SNRPE: variants seen among roughly 807,000 people sequenced by gnomAD.
The protein encoded by SNRPE is small nuclear ribonucleoprotein polypeptide E, also known as small nuclear ribonucleoprotein E.
For missense variants in SNRPE, 53 were observed against 111.6 expected (o/e 0.48, Z 2.36); for synonymous variants, 35 against 36.7 (o/e 0.95, Z 0.17).
intron 4 of SNRPE, among the ~76,000 whole-genome samples, chr1:203,868,907 A>G (rs1016614318): frequency 3.9e-5 from 6 of 152,254 alleles, no homozygotes; most frequent in Non-Finnish European, 8.8e-5. Flanking sequence ...AAGCTCAGGC[A>G]TTCCACCCAC....
rs1572401471 is a variant in SNRPE at position 203,861,650 on chromosome 1, A to G, written c.-10A>G. On this transcript the variant is annotated 5_prime_UTR_variant, in exon 1 of 5. Coordinates refer to ENST00000414487, the MANE Select transcript of SNRPE (RefSeq NM_003094.4). ...GCAGCGTGCGGGTGTGCTCTTTGTG[A>G]AATTCCACCATGGCGTACCGTGGCC... 1 of 1,611,668 alleles carries G rather than the reference A, an allele frequency of 6.2e-7. No individual in the cohort carries two copies. Among genetic ancestry groups the G allele is most frequent in the South Asian group, 1.1e-5 (1 of 91,022 alleles).
chr1:203,867,856 G>T (rs1401324295), intron 4 of SNRPE, among the ~76,000 whole-genome samples: 1 of 152,104 alleles, frequency 6.6e-6, no homozygotes, highest in Non-Finnish European at 1.5e-5. Context: ...TTTTGCTGGG[G>T]ATGGGGGAAG....
At chr1:203,869,171 G>A (rs750334380) in intron 4 of SNRPE, among the ~76,000 whole-genome samples, 10 of 151,904 alleles carry the variant, frequency 6.6e-5, no homozygotes, top group East Asian at 1.9e-4. Context: ...GTCTCAAACC[G>A]TTCTACCAGT....
rs369401983 is a variant in SNRPE at position 203,869,942 on chromosome 1, A to G, written c.*10A>G. The G allele has an allele frequency of 5.8e-6, 9 of 1,547,306 alleles. No homozygotes were observed. Among genetic ancestry groups the G allele is most frequent in the Non-Finnish European group, 5.3e-6 (6 of 1,125,144 alleles). On this transcript the variant is annotated 3_prime_UTR_variant, in exon 5 of 5. Transcript: ENST00000414487. ...AAGTGTCTCCAACTAGAAATGATCA[A>G]TGAAGTGAGAAATTGTTGAGAAGGA...
At position 203,861,683 on chromosome 1, in the gene SNRPE, G is replaced by C. The variant is rs1321681841; in HGVS notation, c.24G>C (p.Gln8His). 4 of 1,613,588 alleles carry C rather than the reference G, an allele frequency of 2.5e-6. No homozygotes were observed. Reference sequence around the variant, plus strand: ...CCATGGCGTACCGTGGCCAGGGTCAGAAAGTGCAGAAGGTTATGGTGCAGC... The same window carrying C: ...CCATGGCGTACCGTGGCCAGGGTCACAAAGTGCAGAAGGTTATGGTGCAGC... MAYRGQG[Q>H]KVQKVMVQPI... is the part of the protein sequence containing the mutation. Residue 8 changes from glutamine (Q) to histidine (H), a missense_variant, in exon 1 of 5, where the codon CAG becomes CAC. Coordinates refer to ENST00000414487, the MANE Select transcript of SNRPE (RefSeq NM_003094.4).
At chr1:203,868,136 A>C (rs1434486825) in intron 4 of SNRPE, among the ~76,000 whole-genome samples, 2 of 152,000 alleles carry the variant, frequency 1.3e-5, no homozygotes, top group African/African-American at 2.4e-5. Context: ...GCTCACTGCA[A>C]CCTCTGCCTC....
intron 1 of SNRPE, 42 bp downstream of exon 1, chr1:203,861,755 A>C (rs756937980): frequency 1.4e-5 from 20 of 1,460,716 alleles, no homozygotes; most frequent in Non-Finnish European, 1.9e-5. Context: ...TTCGGGTCAG[A>C]ATACGGGGTG....
chr1:203,865,220 T>A, intron 4 of SNRPE, 101 bp downstream of exon 4: 1 of 1,084,832 alleles, frequency 9.2e-7, no homozygotes, highest in Non-Finnish European at 1.4e-6. Context: ...ATTTTGCATT[T>A]GAGAAGTTAT....
chr1:203,867,104 C>T (rs1344170479), intron 4 of SNRPE, among the ~76,000 whole-genome samples: 1 of 63,930 alleles, frequency 1.6e-5, no homozygotes, highest in Non-Finnish European at 3.1e-5. Context: ...CCCTGTCTTT[C>T]CTGAAAAAAA....
At chr1:203,864,899 AAAC>A in intron 3 of SNRPE, 139 bp from the exon 4 acceptor site, 12 of 491,160 alleles carry the variant, frequency 2.4e-5, no homozygotes, top group South Asian at 8.6e-5. Context: ...AAAAAAAAAA[AAAC>A]TTTGGGTGGA....
chr1:203,862,275 T>G (rs1353529279), intron 2 of SNRPE, 53 bp downstream of exon 2: 4 of 1,339,882 alleles, frequency 3.0e-6, no homozygotes, highest in South Asian at 2.3e-5. Context: ...GTGAACTGAT[T>G]TAGTTTTTTG....
intron 4 of SNRPE, among the ~76,000 whole-genome samples, chr1:203,865,728 T>C (rs1690073283): frequency 6.6e-6 from 1 of 152,168 alleles, no homozygotes; most frequent in Non-Finnish European, 1.5e-5. Context: ...CCAGATTGTT[T>C]TACCTGTGCT....
intron 4 of SNRPE, 55 bp from the exon 5 acceptor site, chr1:203,869,822 G>A: frequency 4.8e-6 from 6 of 1,250,416 alleles, no homozygotes; most frequent in Non-Finnish European, 6.8e-6. Flanking sequence ...AATTCTGAGA[G>A]TAAAACATCT....
At chr1:203,866,738 A>C (rs1690095411) in intron 4 of SNRPE, among the ~76,000 whole-genome samples, 1 of 151,818 alleles carries the variant, frequency 6.6e-6, no homozygotes, top group Non-Finnish European at 1.5e-5. Context: ...AAATACTGCA[A>C]TGACTTCCTG....
chr1:203,867,117 A>AAAAAC (rs1553274848), intron 4 of SNRPE, among the ~76,000 whole-genome samples: 15 of 34,450 alleles, frequency 4.4e-4, no homozygotes, highest in Non-Finnish European at 8.0e-4. Flanking sequence ...GAAAAAAAAA[A>AAAAAC]AAAAAAAAAA....
chr1:203,861,612 G>C lies in SNRPE; in HGVS notation c.-48G>C, dbSNP rs768339872. 13 of 1,495,272 alleles carry C rather than the reference G, an allele frequency of 8.7e-6. No individual in the cohort carries two copies. The East Asian group carries it at 2.7e-4, about 31-fold the overall frequency. 92.6% of individuals were successfully genotyped at this position (1,495,272 alleles called of 1,614,324 possible). A position where few individuals can be genotyped will look rare whatever the true frequency, so the allele number is the denominator to read the frequency against. Reference sequence around the variant, plus strand: ...CCGCTTCCGGTTCTTTATTCCGGAAGTTGCTCTCAGAGGCAGCGTGCGGGT... The same window carrying C: ...CCGCTTCCGGTTCTTTATTCCGGAACTTGCTCTCAGAGGCAGCGTGCGGGT... On this transcript the variant is annotated 5_prime_UTR_variant, in exon 1 of 5. Transcript: ENST00000414487.
At chr1:203,864,048 G>A (rs552929633) in intron 3 of SNRPE, among the ~76,000 whole-genome samples, 4 of 152,204 alleles carry the variant, frequency 2.6e-5, no homozygotes, top group African/African-American at 7.2e-5. Flanking sequence ...TCAACCTCCC[G>A]GGCTCAAGTA....
chr1:203,863,379 G>A (rs1007993202), intron 2 of SNRPE, among the ~76,000 whole-genome samples: 34 of 151,832 alleles, frequency 2.2e-4, no homozygotes, highest in African/African-American at 8.0e-4. Context: ...GTGCAGTGGC[G>A]CGATCTCAGC....
intron 4 of SNRPE, among the ~76,000 whole-genome samples, chr1:203,867,121 A>C (rs7540414): frequency 7.4e-6 from 1 of 134,394 alleles, no homozygotes; most frequent in African/African-American, 2.6e-5. Flanking sequence ...AAAAAAAAAA[A>C]AAAAAAAAAT....
Sources: allele counts gnomAD v4.1 joint callset (sites outside exome capture counted in the v4.1 genomes callset), GRCh38; gene constraint gnomAD v4.1.1; transcripts MANE v1.5; gene names NCBI Gene and HGNC (gene_info 2026-07-23, HGNC 2026-07-21).